RAP1GAP: variants seen among roughly 807,000 people sequenced by gnomAD.
RAP1GAP encodes RAP1 GTPase activating protein, also known as rap1 GTPase-activating protein 1.
Under a neutral mutation model 87.2 loss-of-function variants are expected in RAP1GAP, and 35 were observed. The ratio of observed to expected loss-of-function variants is 0.40; its 90% CI spans 0.31 to 0.53. The LOEUF (loss-of-function observed/expected upper bound fraction) is 0.53, where lower values mean the gene tolerates loss of function less well. Ranked by LOEUF, RAP1GAP falls within the 20% of genes least tolerant of loss-of-function variation. The probability of loss-of-function intolerance (pLI) is 0.48; values close to 1 mark genes in which losing one functional copy is unlikely to be tolerated. For synonymous variants in RAP1GAP, 375 were observed against 363.9 expected, an observed-to-expected ratio of 1.03 and a Z score of -0.35; for missense variants, 734 against 898.9, an observed-to-expected ratio of 0.82 and a Z score of 2.35.
intron 23 of RAP1GAP, 71 bp downstream of exon 23, chr1:21,597,890 C>A: frequency 6.6e-7 from 1 of 1,507,702 alleles, no homozygotes. Flanking sequence ...CCTCAGCTCC[C>A]AGCCTCCCCG....
At chr1:21,604,390 C>A (rs2072133295) in intron 18 of RAP1GAP, among the ~76,000 whole-genome samples, 1 of 151,306 alleles carries the variant, frequency 6.6e-6, no homozygotes, top group Non-Finnish European at 1.5e-5. Flanking sequence ...AGCCAAAGGG[C>A]AGAGAGGCCA....
intron 1 of RAP1GAP, among the ~76,000 whole-genome samples, chr1:21,658,053 C>G (rs745715912): frequency 2.7e-4 from 41 of 152,166 alleles, no homozygotes; most frequent in Admixed American, 1.2e-3. Context: ...GAAAGCTACG[C>G]TGGTGAGAGT....
In RAP1GAP at chr1:21,622,323, C is replaced by A; in HGVS notation, c.-18-2273G>T. 1 of 504,208 alleles carries A rather than the reference C, an allele frequency of 2.0e-6. No homozygotes were observed. Among genetic ancestry groups the A allele is most frequent in the Non-Finnish European group, 3.5e-6 (1 of 283,014 alleles). The allele number at this position is 504,208 out of a possible 1,614,324, so 31.2% of individuals were successfully genotyped here. ...CCCGGGGTCCCTCCGCCATGCCGCC[C>A]CGCCCGGGTCCTCACCTGCCAGCTG... On this transcript the variant is annotated intron_variant, in intron 3 of 24. Coordinates refer to ENST00000374765, the MANE Select transcript of RAP1GAP (RefSeq NM_002885.4). The surrounding 1 kb of genome is among the most constrained non-coding windows in gnomAD (Gnocchi z 5.7).
rs2088766794 is a variant in RAP1GAP at position 21,622,370 on chromosome 1, C to T, written c.-18-2320G>A. The T allele has an allele frequency of 4.4e-6, 2 of 452,558 alleles. No individual in the cohort carries two copies. The highest frequency in any genetic ancestry group is 7.5e-5 in the East Asian group (2 of 26,718). 28.0% of individuals were successfully genotyped at this position (452,558 alleles called of 1,614,324 possible). On this transcript the variant is annotated intron_variant, in intron 3 of 24. Coordinates refer to ENST00000374765, the MANE Select transcript of RAP1GAP (RefSeq NM_002885.4). The surrounding 1 kb of genome is among the most constrained non-coding windows in gnomAD (Gnocchi z 5.7). ...GCTGGCCCCCGCGGGCAGCGAGCCC[C>T]TCCGCGGACGGCCGGGTGGCACCGC...
At chr1:21,664,214 T>A (rs2097261287) in intron 1 of RAP1GAP, among the ~76,000 whole-genome samples, 1 of 152,122 alleles carries the variant, frequency 6.6e-6, no homozygotes, top group South Asian at 2.1e-4. Context: ...TGCCTGCCCC[T>A]GGGATGGAAG....
Position 21,634,688 on chromosome 1 carries a change from G to A in RAP1GAP, c.-112-8291C>T. 2 of 336,464 alleles carry A rather than the reference G, an allele frequency of 5.9e-6. No individual in the cohort carries two copies. Among genetic ancestry groups the A allele is most frequent in the East Asian group, 1.0e-4 (1 of 9,600 alleles). The allele number at this position is 336,464 out of a possible 1,614,324, so 20.8% of individuals were successfully genotyped here. ...GGCCTCCTGAACAAATAACAGGTTG[G>A]CAGCCTAGAGAGGTGGTCACGGGAC... On this transcript the variant is annotated intron_variant, in intron 2 of 24. Transcript: ENST00000374765. This position sits in a 1 kb window ranked among gnomAD's most constrained non-coding sequence, Gnocchi z 4.1.
rs2079715460 is a variant in RAP1GAP at position 21,613,416 on chromosome 1, A to C, written c.475-187T>G. On this transcript the variant is annotated intron_variant, in intron 9 of 24. Coordinates refer to ENST00000374765, the MANE Select transcript of RAP1GAP (RefSeq NM_002885.4). The surrounding 1 kb of genome is among the most constrained non-coding windows in gnomAD (Gnocchi z 4.7). Reference sequence around the variant, plus strand: ...CCTGAGATCTGAAGGTGCTATAGAGAAAACCAAAAGCACACAGGCAGGGGA... The same window carrying C: ...CCTGAGATCTGAAGGTGCTATAGAGCAAACCAAAAGCACACAGGCAGGGGA... 6.6e-6 allele frequency among the ~76,000 whole-genome samples: 1 copy of C among 152,148 alleles called. No individual in the cohort carries two copies. Among genetic ancestry groups the C allele is most frequent in the Non-Finnish European group, 1.5e-5 (1 of 68,024 alleles).
intron 4 of RAP1GAP, 46 bp from the exon 5 acceptor site, chr1:21,619,118 A>G: frequency 6.5e-7 from 1 of 1,549,328 alleles, no homozygotes; most frequent in African/African-American, 1.4e-5. Context: ...GCCTGCCGCC[A>G]GGCGCTGCCT....
At chr1:21,605,649 C>T (rs1056008040) in intron 18 of RAP1GAP, among the ~76,000 whole-genome samples, 1 of 151,856 alleles carries the variant, frequency 6.6e-6, no homozygotes, top group Non-Finnish European at 1.5e-5. Flanking sequence ...ACAGTGGGTG[C>T]CCACAGCCCG....
chr1:21,599,553 T>C lies in RAP1GAP; in HGVS notation c.1717A>G (p.Ser573Gly). ...KDFSRSSSSA[S>G]SFASVVEETE... ...TCCTCCACCACGCTGGCGAAGCTGC[T>C]GGCACTGGACGAGGAGCGGGAGAAG... Residue 573 changes from serine (S) to glycine (G), a missense_variant, in exon 21 of 25, where the codon AGC becomes GGC. Ser to Gly is a moderately conservative substitution (Grantham distance 56, BLOSUM62 0). Coordinates refer to ENST00000374765, the MANE Select transcript of RAP1GAP (RefSeq NM_002885.4). 6.2e-7 allele frequency: 1 copy of C among 1,609,846 alleles called. No homozygotes were observed. The highest frequency in any genetic ancestry group is 1.1e-5 in the South Asian group (1 of 91,086).
intron 3 of RAP1GAP, among the ~76,000 whole-genome samples, chr1:21,620,694 G>A (rs946636861): frequency 6.6e-5 from 10 of 152,192 alleles, no homozygotes; most frequent in Non-Finnish European, 1.0e-4. Context: ...AGCCTTCCTG[G>A]AAGGCGGCAT....
intron 2 of RAP1GAP, among the ~76,000 whole-genome samples, chr1:21,643,461 G>A (rs2095714298): frequency 1.3e-5 from 2 of 151,768 alleles, no homozygotes; most frequent in Admixed American, 1.3e-4. Flanking sequence ...AGGAGGCTGA[G>A]GCAGGAGAAT....
intron 1 of RAP1GAP, among the ~76,000 whole-genome samples, chr1:21,660,352 T>TATATATATATA (rs1248298305): frequency 1.4e-4 from 12 of 85,892 alleles, no homozygotes; most frequent in Non-Finnish European, 2.4e-4. Flanking sequence ...TATATATTTA[T>TATATATATATA]TGAGACAGTC....
In RAP1GAP at chr1:21,661,205, T is replaced by G. The variant is rs974475533; in HGVS notation, c.-149+8049A>C. 3.4e-5 allele frequency among the ~76,000 whole-genome samples: 5 copies of G among 149,164 alleles called. No individual in the cohort carries two copies. The Admixed American group carries it at 3.4e-4, about 10-fold the overall frequency. Reference sequence around the variant, plus strand: ...AGGCCGAGGTTGCACTGAGCTGAGATCGCACCACTGCACTCCAGTCTGGGC... The same window carrying G: ...AGGCCGAGGTTGCACTGAGCTGAGAGCGCACCACTGCACTCCAGTCTGGGC... On this transcript the variant is annotated intron_variant, in intron 1 of 24. Transcript: ENST00000374765.
chr1:21,641,140 A>G (rs549668953), intron 2 of RAP1GAP, among the ~76,000 whole-genome samples: 5 of 146,830 alleles, frequency 3.4e-5, no homozygotes, highest in African/African-American at 1.3e-4. Context: ...GGCTGGTCTC[A>G]AACTCCTGAC....
chr1:21,650,003 A>C (rs2096431755), intron 1 of RAP1GAP, among the ~76,000 whole-genome samples: 1 of 151,910 alleles, frequency 6.6e-6, no homozygotes, highest in Non-Finnish European at 1.5e-5. Context: ...ATAGGGGTTA[A>C]AGAGCCAGGA....
At chr1:21,624,701 G>A (rs143954349) in intron 3 of RAP1GAP, among the ~76,000 whole-genome samples, 85 of 152,302 alleles carry the variant, frequency 5.6e-4, no homozygotes, top group African/African-American at 1.4e-3. Flanking sequence ...TTCAGAGCCC[G>A]CTGTCTGAGC....
chr1:21,632,477 G>A (rs962219241), intron 2 of RAP1GAP, among the ~76,000 whole-genome samples: 2 of 152,208 alleles, frequency 1.3e-5, no homozygotes, highest in African/African-American at 4.8e-5. Flanking sequence ...GCAAACTGAG[G>A]CTTGGAGAGG....
intron 2 of RAP1GAP, among the ~76,000 whole-genome samples, chr1:21,647,114 A>T (rs1275375556): frequency 1.3e-5 from 2 of 152,228 alleles, no homozygotes; most frequent in African/African-American, 4.8e-5. Context: ...ATTTATGGGC[A>T]TGGTAGTTGC....
Sources: gnomAD v4.1 joint callset for allele counts (sites outside exome capture counted in the v4.1 genomes callset) on GRCh38, gnomAD v4.1.1 for gene constraint, Gnocchi (gnomAD v3.1) non-coding constraint, MANE v1.5 for transcripts, NCBI Gene and HGNC (gene_info 2026-07-23, HGNC 2026-07-21) for gene names.